Variants in PCDHGA2 observed in about 807,000 individuals in gnomAD.
The protein encoded by PCDHGA2 is protocadherin gamma subfamily A, 2, also known as protocadherin gamma-A2.
Under a neutral mutation model 59.2 loss-of-function variants are expected in PCDHGA2, and 40 were observed. The observed-to-expected ratio is 0.68, with a 90% CI of 0.52 to 0.88. PCDHGA2 has a LOEUF of 0.88. Ranked by LOEUF, PCDHGA2 falls within the 40% of genes least tolerant of loss-of-function variation. The pLI is 0.00. For synonymous variants in PCDHGA2, 560 were observed against 526.0 expected (o/e 1.06, Z -0.89); for missense variants, 1,226 against 1,204.0 (o/e 1.02, Z -0.27).
At chr5:141,385,250 G>A (rs1448897004) in intron 1 of PCDHGA2, 2 of 1,613,820 alleles carry the variant, frequency 1.2e-6, no homozygotes, top group Admixed American at 1.7e-5. Flanking sequence ...AGCCAGGAGA[G>A]CTGTGAGAAA....
intron 1 of PCDHGA2, among the ~76,000 whole-genome samples, chr5:141,445,277 A>G (rs769047096): frequency 6.6e-6 from 1 of 152,256 alleles, no homozygotes; most frequent in African/African-American, 2.4e-5. Flanking sequence ...ACCACTCTGC[A>G]TAAGTTCAGG....
intron 1 of PCDHGA2, chr5:141,441,844 G>T: frequency 2.8e-6 from 1 of 355,710 alleles, no homozygotes. Context: ...CGCGCTCTTG[G>T]ATATGGTGCT....
chr5:141,438,231 TG>T (rs987686126), intron 1 of PCDHGA2, among the ~76,000 whole-genome samples: 1 of 152,082 alleles, frequency 6.6e-6, no homozygotes, highest in African/African-American at 2.4e-5. Context: ...TTCAGGAAAA[TG>T]TTTTTAAAAA....
chr5:141,385,190 G>A (rs899564761), intron 1 of PCDHGA2: 5 of 1,614,048 alleles, frequency 3.1e-6, no homozygotes, highest in African/African-American at 1.3e-5. Context: ...GCGGACTCTC[G>A]GAAGAGTCAC....
chr5:141,440,103 A>G (rs1391819927), intron 1 of PCDHGA2: 1 of 152,222 alleles, frequency 6.6e-6, no homozygotes, highest in Non-Finnish European at 1.5e-5. Flanking sequence ...GAAAGTGGAG[A>G]CTTACTTGTG....
chr5:141,419,792 G>A (rs1379811891), intron 1 of PCDHGA2: 1 of 1,614,042 alleles, frequency 6.2e-7, no homozygotes, highest in African/African-American at 1.3e-5. Flanking sequence ...CCTGCTAGTC[G>A]CTGTAAGAGA....
intron 1 of PCDHGA2, chr5:141,395,341 G>T: frequency 7.1e-7 from 1 of 1,409,696 alleles, no homozygotes; most frequent in Non-Finnish European, 9.4e-7. Flanking sequence ...AATTTTTAAG[G>T]TGTATCACAG....
intron 1 of PCDHGA2, chr5:141,366,307 GGTCACCGTTGCC>G: frequency 5.6e-6 from 9 of 1,613,748 alleles, no homozygotes; most frequent in Non-Finnish European, 7.6e-6. Flanking sequence ...CCACCTTCAC[GGTCACCGTTGCC>G]GTGGCCGACA....
intron 1 of PCDHGA2, chr5:141,345,660 A>T: frequency 1.2e-6 from 2 of 1,614,210 alleles, no homozygotes; most frequent in Non-Finnish European, 1.7e-6. Context: ...CCCTCCACTC[A>T]GCAGCAACGT....
chr5:141,413,397 T>A, intron 1 of PCDHGA2: 1 of 1,613,942 alleles, frequency 6.2e-7, no homozygotes, highest in Non-Finnish European at 8.5e-7. Context: ...TCTCCAGAGG[T>A]AGGACGCAGC....
intron 1 of PCDHGA2, chr5:141,394,008 G>A: frequency 1.2e-6 from 2 of 1,613,330 alleles, no homozygotes; most frequent in South Asian, 2.2e-5. Context: ...AAAGTCAATA[G>A]GTAATTATTA....
chr5:141,454,407 T>TTTTA (rs1029547484), intron 1 of PCDHGA2, among the ~76,000 whole-genome samples: 21 of 152,236 alleles, frequency 1.4e-4, no homozygotes, highest in Admixed American at 1.2e-3. Flanking sequence ...GCTTATTCCT[T>TTTTA]TTTATTTATT....
At chr5:141,372,401 A>G (rs1248362001) in intron 1 of PCDHGA2, 2 of 1,613,384 alleles carry the variant, frequency 1.2e-6, no homozygotes, top group Admixed American at 3.3e-5. Context: ...ATAGCTTGCA[A>G]GAGATACAAC....
At chr5:141,509,805 G>A (rs150684746) in intron 3 of PCDHGA2, among the ~76,000 whole-genome samples, 2 of 152,248 alleles carry the variant, frequency 1.3e-5, no homozygotes, top group Middle Eastern at 3.4e-3. Flanking sequence ...GCTTCATAGA[G>A]CCGAGCTCTT....
Position 141,365,897 on chromosome 5 carries a change from G to A in PCDHGA2, c.2424+24502G>A, listed in dbSNP as rs1278621705. The A allele has an allele frequency of 3.1e-6, 5 of 1,614,214 alleles. No individual in the cohort carries two copies. Among genetic ancestry groups the A allele is most frequent in the Admixed American group, 3.3e-5 (2 of 60,030 alleles). On this transcript the variant is annotated intron_variant, in intron 1 of 3. Transcript: ENST00000394576. ...GTATGCTCTGAGATCCTTCGACTAT[G>A]AGCAGTTGAGAGACCTACAGTTGTG...
chr5:141,390,157 G>A, intron 1 of PCDHGA2: 3 of 1,614,020 alleles, frequency 1.9e-6, no homozygotes, highest in Middle Eastern at 3.3e-4. Context: ...GCACATACAG[G>A]AAAGACGGAG....
At chr5:141,507,009 C>T (rs988626142) in intron 3 of PCDHGA2, 1 of 152,154 alleles carries the variant, frequency 6.6e-6, no homozygotes, top group South Asian at 2.1e-4. Context: ...ATGAGAGAAC[C>T]GAGAAGGCAC....
chr5:141,478,716 G>T, intron 1 of PCDHGA2: 1 of 1,545,206 alleles, frequency 6.5e-7, no homozygotes. Flanking sequence ...TGAGATGGTG[G>T]CCTGCCAGAG....
intron 1 of PCDHGA2, chr5:141,428,826 A>G (rs190740602): frequency 1.3e-5 from 2 of 149,304 alleles, no homozygotes; most frequent in South Asian, 2.1e-4. Context: ...GCTTTCATGT[A>G]TTTTTGAAAC....
Sources: allele counts gnomAD v4.1 joint callset (sites outside exome capture counted in the v4.1 genomes callset), GRCh38; gene constraint gnomAD v4.1.1; transcripts MANE v1.5; gene names NCBI Gene and HGNC (gene_info 2026-07-23, HGNC 2026-07-21).